Variants in LTN1 observed in about 807,000 individuals in gnomAD.
The protein encoded by LTN1 is listerin E3 ubiquitin protein ligase 1, also known as E3 ubiquitin-protein ligase listerin.
In LTN1, 88 loss-of-function variants were observed where a neutral mutation model predicts 201.2. The observed-to-expected ratio is 0.44, with a 90% CI of 0.37 to 0.52. The LOEUF is 0.52. Among genes scored for constraint, LTN1 ranks in the 20% least tolerant of loss-of-function variants. The pLI is 0.00. For missense variants in LTN1, 1,752 were observed against 2,038.7 expected (o/e 0.86, Z 2.71); for synonymous variants, 645 against 713.5 (o/e 0.90, Z 1.53).
chr21:28,931,789 G>A (rs963192317), intron 28 of LTN1, among the ~76,000 whole-genome samples: 15 of 152,166 alleles, frequency 9.9e-5, no homozygotes, highest in African/African-American at 3.6e-4. Context: ...ATCACTTGAG[G>A]TCAGGAGTTC....
Position 28,966,432 on chromosome 21 carries a change from T to C in LTN1, c.2059A>G (p.Ser687Gly), listed in dbSNP as rs534954182. ...TCATTGTCACAGCACCGGAGAGCAC[T>C]GTACAAAATGTCCACCAGGAAACCA... ...DFGFLVDILY[S>G]ALRCCDNDME... The change falls in exon 10 of 30, where the codon AGT becomes GGT. Residue 687 changes from serine to glycine, a missense_variant. By Grantham distance (56) the Ser-to-Gly change is moderately conservative. Coordinates refer to ENST00000361371, the MANE Select transcript of LTN1 (RefSeq NM_015565.3). 6.2e-7 allele frequency: 1 copy of C among 1,614,186 alleles called. No homozygotes were observed. Among genetic ancestry groups the C allele is most frequent in the Non-Finnish European group, 8.5e-7 (1 of 1,180,024 alleles).
At chr21:28,972,760 T>A (rs570708893) in intron 6 of LTN1, among the ~76,000 whole-genome samples, 2 of 152,226 alleles carry the variant, frequency 1.3e-5, no homozygotes, top group South Asian at 4.2e-4. Context: ...CTAGAGATAA[T>A]AGCTGAGAAT....
chr21:28,957,489 C>T lies in LTN1; in HGVS notation c.2748-13G>A, dbSNP rs749938404. On this transcript the variant is annotated splice_polypyrimidine_tract_variant and intron_variant, in intron 14 of 29. Coordinates refer to ENST00000361371, the MANE Select transcript of LTN1 (RefSeq NM_015565.3). ...GAGGACTTGGAGACTAAAAATAATG[C>T]AGAGAACTTAACTGTTGTAGTTACG... 2.0e-6 allele frequency: 3 copies of T among 1,536,512 alleles called. No individual in the cohort carries two copies. Among genetic ancestry groups the T allele is most frequent in the Non-Finnish European group, 2.6e-6 (3 of 1,144,036 alleles).
At chr21:28,944,635 C>T in intron 21 of LTN1, 39 bp from the exon 22 acceptor site, 1 of 1,385,128 alleles carries the variant, frequency 7.2e-7, no homozygotes, top group Non-Finnish European at 1.0e-6. Flanking sequence ...AAACAGACTT[C>T]TACCAGAACA....
At chr21:28,963,804 T>A (rs1315830697) in intron 11 of LTN1, among the ~76,000 whole-genome samples, 1 of 152,142 alleles carries the variant, frequency 6.6e-6, no homozygotes, top group Non-Finnish European at 1.5e-5. Flanking sequence ...TCATGAACCA[T>A]GGGAAAAGGC....
At chr21:28,947,429 TA>T (rs1324769502) in intron 19 of LTN1, 34 bp downstream of exon 19, 1 of 1,469,912 alleles carries the variant, frequency 6.8e-7, no homozygotes, top group Non-Finnish European at 9.0e-7. Flanking sequence ...AAGCAATAAT[TA>T]AATTAATGAA....
chr21:28,986,231 G>C lies in LTN1; in HGVS notation c.253C>G (p.Gln85Glu), dbSNP rs781411654. 6.3e-7 allele frequency: 1 copy of C among 1,592,164 alleles called. No homozygotes were observed. Among genetic ancestry groups the C allele is most frequent in the Non-Finnish European group, 8.6e-7 (1 of 1,160,516 alleles). Residue 85 changes from glutamine to glutamate, a missense_variant, in exon 3 of 30, where the codon CAG (glutamine) becomes GAG (glutamate). Physicochemically the swap from Gln to Glu is conservative, Grantham distance 29. This residue lies in a region of LTN1 where 280 missense variants were observed against 375.7 expected (regional missense o/e 0.75). Coordinates refer to ENST00000361371, the MANE Select transcript of LTN1 (RefSeq NM_015565.3). The surrounding 1 kb of genome is among the most constrained non-coding windows in gnomAD (Gnocchi z 4.1). ...TCTGTACACATGGTTCCAAATTCCT[G>C]CATAGCCTAAAAGTAAGTTATTAAC... ...KDVTTKLKAM[Q>E]EFGTMCTERD...
intron 6 of LTN1, among the ~76,000 whole-genome samples, chr21:28,980,449 C>T (rs2084649626): frequency 2.0e-5 from 3 of 148,280 alleles, no homozygotes; most frequent in South Asian, 4.3e-4. Flanking sequence ...TGCTAAATGA[C>T]GAGTTAAGGG....
chr21:28,935,393 T>C, intron 26 of LTN1, 64 bp from the exon 27 acceptor site: 2 of 989,180 alleles, frequency 2.0e-6, no homozygotes, highest in Non-Finnish European at 3.1e-6. Flanking sequence ...CAGACTAATA[T>C]TAGTATTTTC....
chr21:28,965,548 C>T lies in LTN1; in HGVS notation c.2163+317G>A, dbSNP rs371643213. 3.5e-4 allele frequency among the ~76,000 whole-genome samples: 54 copies of T among 152,200 alleles called. 1 individual carries two copies. In the South Asian group the frequency reaches 7.7e-3, roughly 22 times the overall value. ...GCAGTAGAAAAAGTAACTAGAATAA[C>T]AGCAGAAAGTTGTAGCTTTAATTAA... On this transcript the variant is annotated intron_variant, in intron 11 of 29. Coordinates refer to ENST00000361371, the MANE Select transcript of LTN1 (RefSeq NM_015565.3).
At chr21:28,952,970 T>C (rs1457283390) in intron 17 of LTN1, among the ~76,000 whole-genome samples, 1 of 152,228 alleles carries the variant, frequency 6.6e-6, no homozygotes, top group East Asian at 1.9e-4. Context: ...CTTCTACTTC[T>C]TTTTTGTCAT....
chr21:28,944,317 C>T, intron 22 of LTN1, 66 bp downstream of exon 22: 1 of 1,295,622 alleles, frequency 7.7e-7, no homozygotes, highest in Non-Finnish European at 1.1e-6. Context: ...AAAATTTTTG[C>T]TTTTGAATTT....
chr21:28,978,956 T>C (rs1171686608), intron 6 of LTN1, among the ~76,000 whole-genome samples: 2 of 152,202 alleles, frequency 1.3e-5, no homozygotes. Flanking sequence ...ATTAAGCAGC[T>C]GAATGTTGCC....
At chr21:28,947,979 T>A (rs930313558) in intron 18 of LTN1, among the ~76,000 whole-genome samples, 1 of 151,098 alleles carries the variant, frequency 6.6e-6, no homozygotes, top group Admixed American at 6.6e-5. Context: ...GATCATGAGG[T>A]CAGGCGTTTG....
chr21:28,937,012 T>G (rs2084262080), intron 25 of LTN1, among the ~76,000 whole-genome samples: 1 of 152,204 alleles, frequency 6.6e-6, no homozygotes, highest in Admixed American at 6.5e-5. Flanking sequence ...TGCTTAAAAC[T>G]AATCCCATTT....
At chr21:28,938,612 G>A (rs758989545) in intron 25 of LTN1, among the ~76,000 whole-genome samples, 28 of 151,996 alleles carry the variant, frequency 1.8e-4, no homozygotes, top group African/African-American at 5.5e-4. Context: ...ACAAAAGCTC[G>A]TACACGAATG....
Position 28,984,791 on chromosome 21 carries a change from G to GT in LTN1, c.476dup (p.Tyr159Ter). ...GYWLMAQCDT[Y>*]TPAAFAAKDA... ...CTTTTGCTGCAAACGCAGCTGGTGT[G>GT]TAAGTATCACACTGAGCCATTAGCC... The change falls in exon 4 of 30, where the codon TAC becomes TAAC. Residue 159 changes from tyrosine (Y) to a stop codon, truncating the protein, a stop_gained and frameshift_variant. Transcript: ENST00000361371. LOFTEE classifies it high-confidence loss of function. 6.2e-7 allele frequency: 1 copy of GT among 1,614,094 alleles called. No homozygotes were observed.
intron 12 of LTN1, among the ~76,000 whole-genome samples, chr21:28,960,172 G>T (rs934208415): frequency 2.6e-5 from 4 of 152,056 alleles, no homozygotes; most frequent in African/African-American, 9.7e-5. Context: ...TTCGAGACCA[G>T]CCTGGCCAAC....
In LTN1 at chr21:28,958,403, T is replaced by C. The variant is rs778222978; in HGVS notation, c.2730A>G (p.Ser910=). ...AAGGTTACCTGTTGATATCCAAAGATGAAGCCTGAACTTGGTTCTTCAGCC... is the reference window on the plus strand; with the variant it reads ...AAGGTTACCTGTTGATATCCAAAGACGAAGCCTGAACTTGGTTCTTCAGCC... ...ALWLKNQVQA[S]SLDINSLQVL... Residue 910 remains serine (S), a synonymous_variant, in exon 14 of 30, where the codon TCA becomes TCG. Coordinates refer to ENST00000361371, the MANE Select transcript of LTN1 (RefSeq NM_015565.3). The C allele has an allele frequency of 8.1e-6, 13 of 1,603,436 alleles. No individual in the cohort carries two copies. In the South Asian group the frequency reaches 1.2e-4, roughly 15 times the overall value.
Sources: gnomAD v4.1 joint callset for allele counts (sites outside exome capture counted in the v4.1 genomes callset) on GRCh38, gnomAD v4.1.1 for gene constraint, gnomAD v4.1.1 regional missense constraint, Gnocchi (gnomAD v3.1) non-coding constraint, MANE v1.5 for transcripts, NCBI Gene and HGNC (gene_info 2026-07-23, HGNC 2026-07-21) for gene names.